HIVEP2: variants seen among roughly 807,000 people sequenced by gnomAD.
The protein encoded by HIVEP2 is transcription factor HIVEP2.
A neutral mutation model predicts 180.7 loss-of-function variants in HIVEP2; 14 were observed. The observed-to-expected ratio is 0.08, with a 90% CI of 0.05 to 0.12. The LOEUF (loss-of-function observed/expected upper bound fraction) is 0.12. HIVEP2 is among the 10% of genes least tolerant of loss of function. The probability of loss-of-function intolerance (pLI) is 1.00; values close to 1 mark genes in which losing one functional copy is unlikely to be tolerated. For missense variants in HIVEP2, 2,579 were observed against 3,008.5 expected (o/e 0.86, Z 3.34); for synonymous variants, 1,184 against 1,136.4 (o/e 1.04, Z -0.84).
chr6:142,927,038 C>T (rs954054749), intron 1 of HIVEP2, among the ~76,000 whole-genome samples: 4 of 151,164 alleles, frequency 2.6e-5, no homozygotes. Flanking sequence ...GCGGCCAGGG[C>T]TCCCCTCTCC....
At chr6:142,844,002 AT>A (rs1323094500) in intron 1 of HIVEP2, among the ~76,000 whole-genome samples, 1 of 152,122 alleles carries the variant, frequency 6.6e-6, no homozygotes, top group African/African-American at 2.4e-5. Flanking sequence ...TATAAAAAGA[AT>A]TTTTTTCTCC....
intron 2 of HIVEP2, among the ~76,000 whole-genome samples, chr6:142,836,718 C>G (rs1258805746): frequency 6.6e-6 from 1 of 152,068 alleles, no homozygotes; most frequent in Non-Finnish European, 1.5e-5. Context: ...TAAATGACAA[C>G]ATTTTCTAAT....
At chr6:142,839,263 A>G (rs1430303834) in intron 1 of HIVEP2, among the ~76,000 whole-genome samples, 1 of 152,140 alleles carries the variant, frequency 6.6e-6, no homozygotes, top group East Asian at 1.9e-4. Flanking sequence ...ATGGCCTACA[A>G]TCGCTACACC....
intron 1 of HIVEP2, among the ~76,000 whole-genome samples, chr6:142,920,884 G>A (rs2128434218): frequency 6.6e-6 from 1 of 152,270 alleles, no homozygotes; most frequent in South Asian, 2.1e-4. Context: ...TTGGGAGACT[G>A]AGGTAGGAGG....
In HIVEP2 at chr6:142,772,900, C is replaced by A. The variant is rs1010492768; in HGVS notation, c.1839G>T (p.Arg613Ser). The change falls in exon 5 of 10, where the codon AGG (arginine) becomes AGT (serine). Residue 613 changes from arginine to serine, a missense_variant. Around this residue, in one of 11 missense-constraint regions of HIVEP2, gnomAD observed 524 missense variants for 563.6 expected, o/e 0.93. Transcript: ENST00000367603. The surrounding 1 kb of genome is among the most constrained non-coding windows in gnomAD (Gnocchi z 4.9). ...ATGAACTGCTGATACCCTTCAACATCCTGCCATGGTGCTCGACTTCCACGT... is the reference window on the plus strand; with the variant it reads ...ATGAACTGCTGATACCCTTCAACATACTGCCATGGTGCTCGACTTCCACGT... ...EGHVEVEHHG[R>S]MLKGISSSSL... is the part of the protein sequence containing the mutation. The A allele has an allele frequency of 1.2e-6, 2 of 1,614,086 alleles. No homozygotes were observed. Among genetic ancestry groups the A allele is most frequent in the East Asian group, 2.2e-5 (1 of 44,904 alleles).
At position 142,760,045 on chromosome 6, in the gene HIVEP2, A is replaced by G. The variant is rs1775184546; in HGVS notation, c.6243T>C (p.Asp2081=). The G allele has an allele frequency of 6.2e-7, 1 of 1,613,998 alleles. No individual in the cohort carries two copies. Among genetic ancestry groups the G allele is most frequent in the African/African-American group, 1.3e-5 (1 of 74,976 alleles). Residue 2081 remains aspartate, a synonymous_variant, in exon 9 of 10, where the codon GAT becomes GAC. Transcript: ENST00000367603. ...SPRRHLSPRR[D]LSPMRHLSPR... The stretch of plus-strand genomic sequence containing the variant: ...GTGAAAGATGTCTCATGGGTGACAG[A>G]TCTCTCCTAGGTGATAAATGTCTCC...
chr6:142,807,376 G>A (rs765203296), intron 2 of HIVEP2, among the ~76,000 whole-genome samples: 1 of 152,182 alleles, frequency 6.6e-6, no homozygotes, highest in Non-Finnish European at 1.5e-5. Flanking sequence ...AGATGTCTGG[G>A]AGGTAGAGGG....
chr6:142,861,187 C>T (rs895870853), intron 1 of HIVEP2, among the ~76,000 whole-genome samples: 1 of 152,114 alleles, frequency 6.6e-6, no homozygotes, highest in Non-Finnish European at 1.5e-5. Flanking sequence ...GAATAATAGA[C>T]CTCTTTGGTT....
intron 2 of HIVEP2, among the ~76,000 whole-genome samples, chr6:142,813,721 A>C (rs1780839429): frequency 6.6e-6 from 1 of 151,620 alleles, no homozygotes; most frequent in South Asian, 2.1e-4. Context: ...GACTATAGGT[A>C]CATGCCCCAG....
chr6:142,782,730 T>C (rs908376238), intron 3 of HIVEP2, among the ~76,000 whole-genome samples: 2 of 152,238 alleles, frequency 1.3e-5, no homozygotes, highest in African/African-American at 2.4e-5. Context: ...TAATTTGATA[T>C]TTAAAGCCTA....
At chr6:142,877,030 C>T (rs1264702539) in intron 1 of HIVEP2, among the ~76,000 whole-genome samples, 2 of 152,154 alleles carry the variant, frequency 1.3e-5, no homozygotes, top group African/African-American at 4.8e-5. Context: ...GGGGGTGCAA[C>T]AGAGTGACAC....
At chr6:142,785,555 C>T (rs1775978247) in intron 2 of HIVEP2, among the ~76,000 whole-genome samples, 1 of 152,108 alleles carries the variant, frequency 6.6e-6, no homozygotes. Flanking sequence ...CAGCACCAAC[C>T]TCCCTTCCCT....
At chr6:142,813,860 C>T (rs1409197627) in intron 2 of HIVEP2, among the ~76,000 whole-genome samples, 1 of 151,972 alleles carries the variant, frequency 6.6e-6, no homozygotes, top group African/African-American at 2.4e-5. Flanking sequence ...GCCACCATGC[C>T]TGGCCTCAGA....
At chr6:142,927,080 C>T (rs1777837286) in intron 1 of HIVEP2, among the ~76,000 whole-genome samples, 1 of 151,730 alleles carries the variant, frequency 6.6e-6, no homozygotes, top group Non-Finnish European at 1.5e-5. Context: ...CGTCCCCGGC[C>T]GGCCCAGCGC....
chr6:142,916,011 T>G (rs1467562212), intron 1 of HIVEP2, among the ~76,000 whole-genome samples: 1 of 152,308 alleles, frequency 6.6e-6, no homozygotes, highest in African/African-American at 2.4e-5. Flanking sequence ...ACCACACACT[T>G]AGGACTCATT....
At chr6:142,793,638 TTCTTTCTTTC>T (rs1332204493) in intron 2 of HIVEP2, among the ~76,000 whole-genome samples, 1 of 34,402 alleles carries the variant, frequency 2.9e-5, no homozygotes, top group African/African-American at 1.1e-4. Flanking sequence ...CTTTCTTTCT[TTCTTTCTTTC>T]TTTCTTTCTT....
Position 142,773,433 on chromosome 6 carries a change from T to A in HIVEP2, c.1306A>T (p.Asn436Tyr), listed in dbSNP as rs761410038. The change falls in exon 5 of 10, where the codon AAT becomes TAT. Residue 436 changes from asparagine to tyrosine, a missense_variant. This residue lies in a region of HIVEP2 where 524 missense variants were observed against 563.6 expected (regional missense o/e 0.93). Transcript: ENST00000367603. ...FGKYCRLSPR[N>Y]ALSVTTTSQE... ...CTTGTGGTTGTAACACTGAGTGCATTTCTCGGACTAAGCCGACAGTATTTT... is the reference window on the plus strand; with the variant it reads ...CTTGTGGTTGTAACACTGAGTGCATATCTCGGACTAAGCCGACAGTATTTT... 1 of 1,614,248 alleles carries A rather than the reference T, an allele frequency of 6.2e-7. No individual in the cohort carries two copies. The highest frequency in any genetic ancestry group is 1.1e-5 in the South Asian group (1 of 91,086).
At chr6:142,941,164 C>T (rs1310917767) in intron 1 of HIVEP2, among the ~76,000 whole-genome samples, 1 of 152,160 alleles carries the variant, frequency 6.6e-6, no homozygotes, top group Non-Finnish European at 1.5e-5. Context: ...TAAATGCAGT[C>T]ACGAAGCCAG....
chr6:142,937,467 T>C (rs913718821), intron 1 of HIVEP2, among the ~76,000 whole-genome samples: 5 of 152,210 alleles, frequency 3.3e-5, no homozygotes, highest in African/African-American at 1.2e-4. Flanking sequence ...TATCCTCATT[T>C]TGTAACCTCA....
Sources: allele counts gnomAD v4.1 joint callset (sites outside exome capture counted in the v4.1 genomes callset), GRCh38; gene constraint gnomAD v4.1.1; regional missense constraint gnomAD v4.1.1; non-coding constraint Gnocchi (gnomAD v3.1); transcripts MANE v1.5; gene names NCBI Gene and HGNC (gene_info 2026-07-23, HGNC 2026-07-21).